ARHGAP10: variants seen among roughly 807,000 people sequenced by gnomAD.
ARHGAP10 encodes the protein Rho GTPase activating protein 10.
A neutral mutation model predicts 108.6 loss-of-function variants in ARHGAP10; 87 were observed. The ratio of observed to expected loss-of-function variants is 0.80; its 90% CI spans 0.67 to 0.96. The LOEUF is 0.96. Ranked by LOEUF, ARHGAP10 falls within the 40% of genes least tolerant of loss-of-function variation. The pLI, the probability that ARHGAP10 is intolerant of heterozygous loss-of-function variation, is 0.00. For synonymous variants in ARHGAP10, 347 were observed against 341.1 expected (o/e 1.02, Z -0.19); for missense variants, 939 against 954.5 (o/e 0.98, Z 0.21).
At chr4:147,982,765 C>T (rs1196995878) in intron 18 of ARHGAP10, among the ~76,000 whole-genome samples, 1 of 151,964 alleles carries the variant, frequency 6.6e-6, no homozygotes, top group South Asian at 2.1e-4. Context: ...TGAATTTTAT[C>T]CCCAAATATG....
At chr4:147,844,684 G>A (rs1733564544) in intron 3 of ARHGAP10, among the ~76,000 whole-genome samples, 1 of 152,068 alleles carries the variant, frequency 6.6e-6, no homozygotes. Flanking sequence ...TTTTCCATTC[G>A]GTCAATCTCT....
chr4:147,911,992 C>CATATAT (rs777868005), intron 12 of ARHGAP10, among the ~76,000 whole-genome samples: 2 of 116,806 alleles, frequency 1.7e-5, no homozygotes, highest in East Asian at 5.1e-4. Context: ...TAAGAACATT[C>CATATAT]ACGTGTGTGT....
At chr4:147,894,929 A>G (rs906120456) in intron 10 of ARHGAP10, among the ~76,000 whole-genome samples, 20 of 152,332 alleles carry the variant, frequency 1.3e-4, no homozygotes, top group Admixed American at 1.1e-3. Flanking sequence ...CTGTGTCATT[A>G]GTCAGGTGGT....
In ARHGAP10 at chr4:147,766,406, ATATTGTAT is replaced by A. The variant is rs1408091072; in HGVS notation, c.154+33953_154+33960del. Among the ~76,000 whole-genome samples, 16 of 152,154 alleles carry A rather than the reference ATATTGTAT, an allele frequency of 1.1e-4. No homozygotes were observed. In the East Asian group the frequency reaches 2.9e-3, roughly 28 times the overall value. On this transcript the variant is annotated intron_variant, in intron 1 of 22. Transcript: ENST00000336498. ...CAATGTAAATGCTATGTAAATAGTT[ATATTGTAT>A]TGTTCAGGGAATATAAGAAGAAAAA... is the stretch of plus-strand genomic sequence containing the variant.
chr4:147,973,813 T>C (rs1739499776), intron 18 of ARHGAP10, among the ~76,000 whole-genome samples: 1 of 152,184 alleles, frequency 6.6e-6, no homozygotes, highest in African/African-American at 2.4e-5. Flanking sequence ...GCCTGACTTA[T>C]TTCACTTAAC....
chr4:147,776,635 G>A (rs1261137525), intron 1 of ARHGAP10, among the ~76,000 whole-genome samples: 4 of 152,114 alleles, frequency 2.6e-5, no homozygotes, highest in African/African-American at 9.7e-5. Flanking sequence ...CATTGTTCTA[G>A]AACTTTTGAT....
rs550304331 is a variant in ARHGAP10 at position 147,852,804 on chromosome 4, C to T, written c.385-4749C>T. 6.6e-5 allele frequency among the ~76,000 whole-genome samples: 10 copies of T among 150,782 alleles called. No homozygotes were observed. The East Asian group carries it at 2.0e-3, about 29-fold the overall frequency. Reference sequence around the variant, plus strand: ...CATGATCTTGGCTCACTACAATCTCCGCCACCCAAGTTCAAGTGATTCTCG... The same window carrying T: ...CATGATCTTGGCTCACTACAATCTCTGCCACCCAAGTTCAAGTGATTCTCG... On this transcript the variant is annotated intron_variant, in intron 4 of 22. Coordinates refer to ENST00000336498, the MANE Select transcript of ARHGAP10 (RefSeq NM_024605.4).
chr4:147,983,478 C>T (rs1417263226), intron 18 of ARHGAP10, among the ~76,000 whole-genome samples: 2 of 151,872 alleles, frequency 1.3e-5, no homozygotes, highest in Non-Finnish European at 2.9e-5. Flanking sequence ...AGCCACTGCA[C>T]TCGGCCTGTT....
At chr4:148,005,422 T>TA (rs1188093822) in intron 18 of ARHGAP10, among the ~76,000 whole-genome samples, 1 of 152,002 alleles carries the variant, frequency 6.6e-6, no homozygotes, top group Non-Finnish European at 1.5e-5. Context: ...CATCTCTATT[T>TA]AAAAAAACAT....
intron 10 of ARHGAP10, among the ~76,000 whole-genome samples, chr4:147,889,565 G>A (rs1735707917): frequency 6.6e-6 from 1 of 152,358 alleles, no homozygotes; most frequent in Middle Eastern, 3.4e-3. Context: ...CTCCCAAAGT[G>A]CTGGGATTAC....
chr4:147,781,182 C>G (rs1730516228), intron 1 of ARHGAP10, among the ~76,000 whole-genome samples: 1 of 152,042 alleles, frequency 6.6e-6, no homozygotes, highest in African/African-American at 2.4e-5. Context: ...CATGGTGAAA[C>G]CCCGTCTCTA....
intron 1 of ARHGAP10, among the ~76,000 whole-genome samples, chr4:147,799,486 G>C (rs1731487680): frequency 6.6e-6 from 1 of 152,096 alleles, no homozygotes; most frequent in Non-Finnish European, 1.5e-5. Flanking sequence ...CTGTTCCACA[G>C]GTCTCTGAGG....
At chr4:147,820,580 G>GTTTTTTTTT (rs57534364) in intron 1 of ARHGAP10, among the ~76,000 whole-genome samples, 2 of 49,042 alleles carry the variant, frequency 4.1e-5, no homozygotes, top group African/African-American at 8.0e-5. Context: ...ACCTCGGCCA[G>GTTTTTTTTT]TTTTTTTTTT....
chr4:147,759,580 G>A (rs1007447376), intron 1 of ARHGAP10, among the ~76,000 whole-genome samples: 16 of 139,470 alleles, frequency 1.1e-4, no homozygotes, highest in Non-Finnish European at 2.0e-4. Context: ...GTGATACACC[G>A]CCCCCCCCCC....
chr4:147,862,832 G>A (rs1734384129), intron 5 of ARHGAP10: 2 of 152,174 alleles, frequency 1.3e-5, no homozygotes, highest in Non-Finnish European at 2.9e-5. Context: ...CCCTTCTTAT[G>A]TCTTTATTAA....
intron 1 of ARHGAP10, among the ~76,000 whole-genome samples, chr4:147,742,726 C>G (rs1728735315): frequency 6.6e-6 from 1 of 151,852 alleles, no homozygotes; most frequent in Non-Finnish European, 1.5e-5. Flanking sequence ...CCTCAGTGAT[C>G]CGCCTCTCTC....
chr4:148,069,684 A>C (rs1730069048), intron 22 of ARHGAP10, among the ~76,000 whole-genome samples: 1 of 152,192 alleles, frequency 6.6e-6, no homozygotes, highest in Admixed American at 6.5e-5. Context: ...CAGGTCCTGC[A>C]AGCTAAGTGC....
chr4:147,800,822 T>A (rs1024409779), intron 1 of ARHGAP10, among the ~76,000 whole-genome samples: 1 of 152,192 alleles, frequency 6.6e-6, no homozygotes, highest in African/African-American at 2.4e-5. Flanking sequence ...TTTTCCTTTT[T>A]CTTTTTTGAC....
At chr4:147,864,038 C>T (rs1293104867) in intron 5 of ARHGAP10, 3 of 152,184 alleles carry the variant, frequency 2.0e-5, no homozygotes, top group Non-Finnish European at 2.9e-5. Context: ...TGTATATCCT[C>T]TCTGGAGAAA....
Sources: allele counts gnomAD v4.1 joint callset (sites outside exome capture counted in the v4.1 genomes callset), GRCh38; gene constraint gnomAD v4.1.1; transcripts MANE v1.5; gene names NCBI Gene and HGNC (gene_info 2026-07-23, HGNC 2026-07-21).